The following CRTC3 variants were observed in gnomAD, a reference collection of about 807,000 sequenced individuals.
CRTC3 encodes CREB regulated transcription coactivator 3.
A neutral mutation model predicts 74.5 loss-of-function variants in CRTC3; 26 were observed. The observed-to-expected ratio is 0.35, with a 90% CI of 0.26 to 0.48. The LOEUF is 0.48. Ranked by LOEUF, CRTC3 falls within the 20% of genes least tolerant of loss-of-function variation. The pLI is 0.99. For missense variants in CRTC3, 760 were observed against 787.3 expected, an observed-to-expected ratio of 0.97 and a Z score of 0.41; for synonymous variants, 377 against 325.8, an observed-to-expected ratio of 1.16 and a Z score of -1.69.
intron 6 of CRTC3, among the ~76,000 whole-genome samples, chr15:90,612,025 C>CCCTCCT (rs1270789098): frequency 8.5e-4 from 65 of 76,572 alleles, no homozygotes; most frequent in Admixed American, 2.6e-3. Context: ...AACCACCCCC[C>CCCTCCT]ACTCCTCCTC....
At chr15:90,618,222 A>AC (rs1180447416) in intron 8 of CRTC3, 2 of 255,682 alleles carry the variant, frequency 7.8e-6, no homozygotes, top group South Asian at 1.9e-4. Flanking sequence ...AAAAAAAAAA[A>AC]CCCTGCTAAG....
At chr15:90,586,455 C>T (rs1312541940) in intron 2 of CRTC3, among the ~76,000 whole-genome samples, 1 of 151,230 alleles carries the variant, frequency 6.6e-6, no homozygotes, top group South Asian at 2.1e-4. Context: ...CAACCTCTGC[C>T]CCCTGGGTTC....
Position 90,629,514 on chromosome 15 carries a change from C to T in CRTC3, c.1248C>T (p.Ala416=), listed in dbSNP as rs552855677. The T allele has an allele frequency of 3.0e-5, 48 of 1,613,878 alleles. No homozygotes were observed. The highest frequency in any genetic ancestry group is 3.9e-5 in the Non-Finnish European group (46 of 1,179,950). The change falls in exon 11 of 15, where the codon GCC becomes GCT. Residue 416 remains alanine (A), a synonymous_variant. Transcript: ENST00000268184. ...AGCTGTCTTCAACCAGCCCACTGGC[C>T]CCATATCCTACCTCCCAGGTAAACA... ...SRQLSSTSPL[A]PYPTSQMVSS...
chr15:90,581,793 G>A (rs1294903397), intron 2 of CRTC3, among the ~76,000 whole-genome samples: 1 of 152,134 alleles, frequency 6.6e-6, no homozygotes, highest in Non-Finnish European at 1.5e-5. Context: ...TCAGTGAAGT[G>A]TCCTACCAAG....
chr15:90,598,440 C>T, intron 3 of CRTC3: 1 of 703,034 alleles, frequency 1.4e-6, no homozygotes, highest in Non-Finnish European at 2.6e-6. Context: ...TTCCCTCTAA[C>T]ACTCCACAGG....
At chr15:90,568,303 T>A (rs1030490482) in intron 2 of CRTC3, among the ~76,000 whole-genome samples, 2 of 152,164 alleles carry the variant, frequency 1.3e-5, no homozygotes, top group African/African-American at 4.8e-5. Context: ...CAAAGGATTT[T>A]AAAATACCAC....
chr15:90,615,061 T>C (rs572349532), intron 7 of CRTC3, among the ~76,000 whole-genome samples: 14 of 148,576 alleles, frequency 9.4e-5, no homozygotes, highest in African/African-American at 3.4e-4. Flanking sequence ...AGACTCCGTC[T>C]AAAAATAAAT....
chr15:90,550,892 C>T (rs1966854556), intron 2 of CRTC3, among the ~76,000 whole-genome samples: 1 of 151,936 alleles, frequency 6.6e-6, no homozygotes, highest in Admixed American at 6.6e-5. Flanking sequence ...GGGAGCACTC[C>T]TAATAATGCC....
intron 3 of CRTC3, chr15:90,595,342 G>T (rs1006010787): frequency 1.3e-5 from 2 of 152,204 alleles, no homozygotes; most frequent in Non-Finnish European, 2.9e-5. Context: ...GGAGGCCGAG[G>T]TGGGCAGATC....
intron 6 of CRTC3, among the ~76,000 whole-genome samples, chr15:90,607,681 T>G (rs1236390739): frequency 1.3e-5 from 2 of 152,122 alleles, no homozygotes; most frequent in Non-Finnish European, 2.9e-5. Flanking sequence ...CCCTGCTTCC[T>G]CCACAGCACG....
chr15:90,612,135 G>A (rs1343993041), intron 6 of CRTC3, among the ~76,000 whole-genome samples: 4 of 146,314 alleles, frequency 2.7e-5, no homozygotes, highest in South Asian at 2.2e-4. Flanking sequence ...CTTCAGCTTC[G>A]CTTCCGGTTG....
chr15:90,611,909 C>A (rs992537010), intron 6 of CRTC3, among the ~76,000 whole-genome samples: 2 of 152,162 alleles, frequency 1.3e-5, no homozygotes, highest in Non-Finnish European at 2.9e-5. Context: ...CCCCTACATC[C>A]TGCCAAATGA....
intron 2 of CRTC3, among the ~76,000 whole-genome samples, chr15:90,587,838 T>G (rs938789318): frequency 6.6e-6 from 1 of 151,966 alleles, no homozygotes; most frequent in Admixed American, 6.5e-5. Flanking sequence ...GGTCTCAAAC[T>G]TGTGAGCTCA....
chr15:90,640,898 C>G (rs1969414998), intron 13 of CRTC3, 199 bp from the exon 14 acceptor site: 1 of 573,990 alleles, frequency 1.7e-6, no homozygotes, highest in East Asian at 3.0e-5. Context: ...AGGGACCCCT[C>G]CTCCACCCCA....
rs11426969 is a variant in CRTC3 at position 90,541,782 on chromosome 15, C to CTTTTTTTTTTTT, written c.231+1652_231+1653insTTTTTTTTTTTT. Among the ~76,000 whole-genome samples, 7 of 120,100 alleles carry CTTTTTTTTTTTT rather than the reference C, an allele frequency of 5.8e-5. 3 individuals carry two copies. The highest frequency in any genetic ancestry group is 5.1e-5 in the Non-Finnish European group (3 of 59,358). The allele number at this position is 120,100 out of a possible 152,430, so 78.8% of individuals were successfully genotyped here. ...GATAATCCTTGGCCTTCCCAGGATT[C>CTTTTTTTTTTTT]TTTTTTTCTTTTTTTTTTTTTGAGA... On this transcript the variant is annotated intron_variant, in intron 2 of 14. Transcript: ENST00000268184.
intron 2 of CRTC3, among the ~76,000 whole-genome samples, chr15:90,549,365 T>C (rs1352427285): frequency 6.6e-6 from 1 of 152,106 alleles, no homozygotes; most frequent in East Asian, 1.9e-4. Context: ...CTCAGTAAAT[T>C]AAAAAAGGAG....
At chr15:90,589,856 T>A (rs7171629) in intron 2 of CRTC3, among the ~76,000 whole-genome samples, 131,517 of 151,972 alleles carry the variant, frequency 0.87, 57,282 homozygotes, top group African/African-American at 0.94. Context: ...GTGTCGTGGC[T>A]TGTGCCTGTA....
chr15:90,614,505 C>T lies in CRTC3; in HGVS notation c.613+17C>T. On this transcript the variant is annotated intron_variant, in intron 7 of 14. Transcript: ENST00000268184. ...ATGGGGAAGGTATGAACTGATTTTACCTACCTATATTGGAGTGGGATGCTG... is the reference window on the plus strand; with the variant it reads ...ATGGGGAAGGTATGAACTGATTTTATCTACCTATATTGGAGTGGGATGCTG... 1.3e-6 allele frequency: 2 copies of T among 1,562,446 alleles called. No homozygotes were observed. The highest frequency in any genetic ancestry group is 1.8e-6 in the Non-Finnish European group (2 of 1,133,492).
In CRTC3 at chr15:90,644,258, C is replaced by A. The variant is rs3803565; in HGVS notation, c.*2118C>A. On this transcript the variant is annotated 3_prime_UTR_variant, in exon 15 of 15. Transcript: ENST00000268184. ...TAAAGAGCCTTCAGTCGCAATGCTA[C>A]CCAGCACCCCATGTGCCAAAAGAAA... 0.058 allele frequency: 13,362 copies of A among 229,116 alleles called. 695 individuals carry two copies. The highest frequency in any genetic ancestry group is 0.17 in the Admixed American group (2,946 of 17,610). 14.2% of individuals were successfully genotyped at this position (229,116 alleles called of 1,614,324 possible).
Sources: allele counts gnomAD v4.1 joint callset (sites outside exome capture counted in the v4.1 genomes callset), GRCh38; gene constraint gnomAD v4.1.1; transcripts MANE v1.5; gene names NCBI Gene and HGNC (gene_info 2026-07-23, HGNC 2026-07-21).